Variants in JARID2 observed in about 807,000 individuals in gnomAD.
The protein encoded by JARID2 is jumonji and AT-rich interaction domain containing 2.
A neutral mutation model predicts 125.6 loss-of-function variants in JARID2; 21 were observed. The ratio of observed to expected loss-of-function variants is 0.17; its 90% confidence interval spans 0.12 to 0.24. JARID2 has a LOEUF of 0.24. Ranked by LOEUF, JARID2 falls within the 10% of genes least tolerant of loss-of-function variation. The pLI is 1.00. For missense variants in JARID2, 1,303 were observed against 1,639.6 expected (o/e 0.79, Z 3.55); for synonymous variants, 736 against 661.6 (o/e 1.11, Z -1.73).
chr6:15,285,106 GTTTTT>G (rs199945772), intron 1 of JARID2, among the ~76,000 whole-genome samples: 14 of 119,458 alleles, frequency 1.2e-4, no homozygotes, highest in Admixed American at 1.8e-4. Flanking sequence ...GTCTTTCTGG[GTTTTT>G]TTTTTTTTTT....
chr6:15,501,800 C>T (rs970232969), intron 8 of JARID2, among the ~76,000 whole-genome samples: 5 of 152,262 alleles, frequency 3.3e-5, no homozygotes, highest in African/African-American at 4.8e-5. Flanking sequence ...AACTGGCTTG[C>T]GTGTGCGTGT....
At chr6:15,437,625 A>G (rs1561862471) in intron 3 of JARID2, among the ~76,000 whole-genome samples, 1 of 152,074 alleles carries the variant, frequency 6.6e-6, no homozygotes, top group Non-Finnish European at 1.5e-5. Flanking sequence ...TGGATGAAAG[A>G]CAGATTAGCA....
intron 2 of JARID2, among the ~76,000 whole-genome samples, chr6:15,382,604 G>A (rs187432950): frequency 3.6e-4 from 55 of 152,226 alleles, no homozygotes; most frequent in African/African-American, 1.3e-3. Context: ...AGGTATATAG[G>A]TCAAACTCAT....
chr6:15,487,813 C>T (rs1027849013), intron 6 of JARID2, among the ~76,000 whole-genome samples: 2 of 141,028 alleles, frequency 1.4e-5, no homozygotes, highest in African/African-American at 5.1e-5. Flanking sequence ...CCTTCTCCCA[C>T]CCACCCACCC....
intron 2 of JARID2, chr6:15,400,791 G>T: frequency 2.0e-6 from 2 of 985,122 alleles, no homozygotes; most frequent in Non-Finnish European, 1.2e-6. Flanking sequence ...TGCTGTTCTG[G>T]CCGTCCTATT....
rs551164267 is a variant in JARID2, at chr6:15,458,600, CAGATT to C, written c.493+6429_493+6433del. ...TTTTGTATGCTAGACACCTAGAAAA[CAGATT>C]AGACACAGGAAAGCAGTATTGGTGG... On this transcript the variant is annotated intron_variant, in intron 4 of 17. Coordinates refer to ENST00000341776, the MANE Select transcript of JARID2 (RefSeq NM_004973.4). Among the ~76,000 whole-genome samples the C allele has an allele frequency of 2.3e-3, 355 of 152,270 alleles. 3 individuals are homozygous for C. The highest frequency in any genetic ancestry group is 8.2e-3 in the African/African-American group (340 of 41,534).
intron 6 of JARID2, among the ~76,000 whole-genome samples, chr6:15,493,897 T>C (rs1208448327): frequency 6.6e-6 from 1 of 151,834 alleles, no homozygotes; most frequent in Non-Finnish European, 1.5e-5. Flanking sequence ...AAATCTGTTT[T>C]AAATTTATCA....
intron 1 of JARID2, among the ~76,000 whole-genome samples, chr6:15,302,231 C>T (rs1381940046): frequency 9.9e-5 from 15 of 152,280 alleles, no homozygotes; most frequent in African/African-American, 2.2e-4. Flanking sequence ...GCCTGGCCAA[C>T]GTGCTGAAAC....
At chr6:15,293,427 A>G (rs988818528) in intron 1 of JARID2, among the ~76,000 whole-genome samples, 4 of 152,250 alleles carry the variant, frequency 2.6e-5, no homozygotes, top group African/African-American at 4.8e-5. Flanking sequence ...CAAAAACCCA[A>G]AAAACCTGCT....
In JARID2 at chr6:15,253,667, A is replaced by C. The variant is rs538731269; in HGVS notation, c.45+7083A>C. On this transcript the variant is annotated intron_variant, in intron 1 of 17. Coordinates refer to ENST00000341776, the MANE Select transcript of JARID2 (RefSeq NM_004973.4). ...AGTTTGTCTTGCCACAGATTTTACTATTTTAAGGGTGCTGCCCACCTCTAC... is the reference window on the plus strand; with the variant it reads ...AGTTTGTCTTGCCACAGATTTTACTCTTTTAAGGGTGCTGCCCACCTCTAC... Among the ~76,000 whole-genome samples, 16 of 151,846 alleles carry C rather than the reference A, an allele frequency of 1.1e-4. 1 individual carries two copies. In the South Asian group the frequency reaches 3.3e-3, roughly 32 times the overall value.
chr6:15,453,026 A>G (rs1044330932), intron 4 of JARID2, among the ~76,000 whole-genome samples: 11 of 152,234 alleles, frequency 7.2e-5, no homozygotes, highest in Non-Finnish European at 1.5e-4. Flanking sequence ...ATTATTACAG[A>G]CAGATTTTAA....
intron 5 of JARID2, among the ~76,000 whole-genome samples, chr6:15,484,415 G>A (rs898118603): frequency 4.6e-5 from 7 of 152,230 alleles, no homozygotes; most frequent in Non-Finnish European, 5.9e-5. Flanking sequence ...GCTGAGACCA[G>A]TGTTTGTCTG....
At chr6:15,486,601 A>T (rs1280793435) in intron 5 of JARID2, among the ~76,000 whole-genome samples, 2 of 152,242 alleles carry the variant, frequency 1.3e-5, no homozygotes, top group Admixed American at 6.5e-5. Flanking sequence ...CCCCTGGCTT[A>T]TAGGAAGCAC....
chr6:15,350,607 T>C (rs568808994), intron 1 of JARID2, among the ~76,000 whole-genome samples: 1 of 152,288 alleles, frequency 6.6e-6, no homozygotes, highest in South Asian at 2.1e-4. Context: ...GTGAATTTGG[T>C]CCAGGTTGTT....
intron 2 of JARID2, among the ~76,000 whole-genome samples, chr6:15,384,184 G>A (rs933755900): frequency 2.6e-5 from 4 of 151,444 alleles, no homozygotes; most frequent in Non-Finnish European, 5.9e-5. Flanking sequence ...TTGCAGCCTC[G>A]ACTCTCAGGC....
intron 2 of JARID2, among the ~76,000 whole-genome samples, chr6:15,406,922 A>G (rs1339238976): frequency 6.6e-6 from 1 of 151,958 alleles, no homozygotes; most frequent in Non-Finnish European, 1.5e-5. Flanking sequence ...ACTTTGTGAC[A>G]TTTTGCAGGC....
rs200613697 is a variant in JARID2, at chr6:15,354,161, T to A, written c.46-19956T>A. On this transcript the variant is annotated intron_variant, in intron 1 of 17. Coordinates refer to ENST00000341776, the MANE Select transcript of JARID2 (RefSeq NM_004973.4). ...CCAATGTAATCACAAGCGTCCTTAT[T>A]AAACAGAGGTAGGTGGCTCACTGTC... 6.6e-5 allele frequency among the ~76,000 whole-genome samples: 10 copies of A among 152,246 alleles called. No individual in the cohort carries two copies. The East Asian group carries it at 1.9e-3, about 29-fold the overall frequency.
intron 4 of JARID2, among the ~76,000 whole-genome samples, chr6:15,461,132 T>G (rs917944110): frequency 1.3e-5 from 2 of 152,358 alleles, no homozygotes; most frequent in African/African-American, 4.8e-5. Flanking sequence ...GAACCATAGA[T>G]AGACCTTGTG....
intron 1 of JARID2, among the ~76,000 whole-genome samples, chr6:15,268,306 C>G (rs1760166568): frequency 6.6e-6 from 1 of 152,120 alleles, no homozygotes; most frequent in African/African-American, 2.4e-5. Flanking sequence ...TAATAGAAAA[C>G]AAAAAAGTTC....
Sources: allele counts gnomAD v4.1 joint callset (sites outside exome capture counted in the v4.1 genomes callset), GRCh38; gene constraint gnomAD v4.1.1; transcripts MANE v1.5; gene names NCBI Gene and HGNC (gene_info 2026-07-23, HGNC 2026-07-21).